Variants in OPHN1 observed in about 807,000 individuals in gnomAD.
OPHN1 encodes the protein oligophrenin 1, also known as oligophrenin-1.
Under a neutral mutation model 60.7 loss-of-function variants are expected in OPHN1, and 11 were observed. That is an observed-to-expected ratio of 0.18 (90% confidence interval 0.11 to 0.30). The LOEUF (loss-of-function observed/expected upper bound fraction) is 0.30. OPHN1 is among the 10% of genes least tolerant of loss of function. The pLI is 1.00. For missense variants in OPHN1, 449 were observed against 611.0 expected (o/e 0.73, Z 2.80); for synonymous variants, 226 against 222.6 (o/e 1.02, Z -0.14).
chrX:68,394,641 G>GT (rs1232355321), intron 2 of OPHN1, among the ~76,000 whole-genome samples: 1 of 111,123 alleles, frequency 9.0e-6, no homozygotes, highest in African/African-American at 3.3e-5. Flanking sequence ...TACATGTTAA[G>GT]TTTTTTTTGT....
chrX:68,239,118 A>C (rs1438807319), intron 5 of OPHN1, among the ~76,000 whole-genome samples: 1 of 110,718 alleles, frequency 9.0e-6, no homozygotes, highest in Non-Finnish European at 1.9e-5. Context: ...TTTCCCCAGG[A>C]GTCAGGCCGC....
intron 18 of OPHN1, among the ~76,000 whole-genome samples, chrX:68,100,502 A>G (rs1715058147): frequency 9.0e-6 from 1 of 110,960 alleles, no homozygotes; most frequent in African/African-American, 3.3e-5. Context: ...GGAGGAGGGG[A>G]AATGGGTGGG....
At chrX:68,127,386 T>C (rs924535611) in intron 15 of OPHN1, among the ~76,000 whole-genome samples, 1 of 112,070 alleles carries the variant, frequency 8.9e-6, no homozygotes, top group African/African-American at 3.2e-5. Flanking sequence ...TCTTATTTTT[T>C]TCTTTTTTTT....
chrX:68,258,226 T>G (rs2077873980), intron 5 of OPHN1, among the ~76,000 whole-genome samples: 1 of 110,930 alleles, frequency 9.0e-6, no homozygotes, highest in Non-Finnish European at 1.9e-5. Context: ...CTCTTCAGGC[T>G]AAATGTGGCC....
At chrX:68,269,845 A>C (rs1366547994) in intron 5 of OPHN1, among the ~76,000 whole-genome samples, 4 of 112,195 alleles carry the variant, frequency 3.6e-5, no homozygotes, top group Non-Finnish European at 7.5e-5. Context: ...CTCATCTGAC[A>C]AAGGGCTAAT....
intron 3 of OPHN1, among the ~76,000 whole-genome samples, chrX:68,295,285 G>T (rs962544794): frequency 3.6e-5 from 4 of 111,995 alleles, no homozygotes; most frequent in Non-Finnish European, 3.8e-5. Flanking sequence ...AACCAACACT[G>T]TTTTCCACAA....
At chrX:68,176,370 A>G in intron 15 of OPHN1, among the ~76,000 whole-genome samples, 1 of 111,896 alleles carries the variant, frequency 8.9e-6, no homozygotes, top group Non-Finnish European at 1.9e-5. Flanking sequence ...TAAAATGAGC[A>G]AAGAATTTGA....
chrX:68,271,479 A>G (rs2077968705), intron 5 of OPHN1, among the ~76,000 whole-genome samples: 1 of 110,639 alleles, frequency 9.0e-6, no homozygotes, highest in Admixed American at 9.6e-5. Flanking sequence ...TTGAGGCTGA[A>G]GTGAGCCATG....
chrX:68,170,765 C>T (rs1157180856), intron 15 of OPHN1, among the ~76,000 whole-genome samples: 2 of 78,984 alleles, frequency 2.5e-5, no homozygotes, highest in African/African-American at 1.0e-4. Context: ...GGGAACATCA[C>T]ACTCTGGGGA....
intron 2 of OPHN1, among the ~76,000 whole-genome samples, chrX:68,337,146 TG>T (rs2078327896): frequency 9.0e-6 from 1 of 111,199 alleles, no homozygotes; most frequent in Admixed American, 9.7e-5. Context: ...CACCCAAAAA[TG>T]TTACTATAAC....
intron 15 of OPHN1, among the ~76,000 whole-genome samples, chrX:68,138,784 T>C (rs1261485153): frequency 1.8e-5 from 2 of 112,194 alleles, no homozygotes; most frequent in Non-Finnish European, 3.8e-5. Flanking sequence ...AGAAATGCAG[T>C]GAGTTTGATA....
chrX:68,377,215 G>C (rs909007470), intron 2 of OPHN1, among the ~76,000 whole-genome samples: 83 of 106,245 alleles, frequency 7.8e-4, no homozygotes, highest in African/African-American at 2.7e-3. Context: ...TCCTGCCTCA[G>C]CCTCCCGAGT....
Position 68,317,394 on chromosome X carries a change from A to AGGAG in OPHN1, c.155-18299_155-18298insCTCC, listed in dbSNP as rs1454589233. 9.6e-3 allele frequency among the ~76,000 whole-genome samples: 875 copies of AGGAG among 91,149 alleles called. 23 individuals carry two copies. The highest frequency in any genetic ancestry group is 0.036 in the African/African-American group (837 of 23,405). The allele number at this position is 91,149 out of a possible 115,157, so 79.2% of individuals were successfully genotyped here. The stretch of plus-strand genomic sequence containing the variant: ...AAGAAAGAAAGGAAGGAAGGAAGGA[A>AGGAG]GGAAGGAAGGAAGGAAGGAAGGAAG... On this transcript the variant is annotated intron_variant, in intron 2 of 24. Transcript: ENST00000355520.
intron 15 of OPHN1, among the ~76,000 whole-genome samples, chrX:68,140,356 A>G (rs1484082473): frequency 8.9e-6 from 1 of 112,236 alleles, no homozygotes; most frequent in Non-Finnish European, 1.9e-5. Context: ...ATTTTAGAAG[A>G]GTCTATAATC....
chrX:68,365,355 C>T (rs1229530604), intron 2 of OPHN1, among the ~76,000 whole-genome samples: 3 of 110,600 alleles, frequency 2.7e-5, no homozygotes, highest in East Asian at 5.7e-4. Flanking sequence ...AAAGAGCCTA[C>T]GTAGCATATT....
At chrX:68,126,926 C>T (rs1054660330) in intron 15 of OPHN1, among the ~76,000 whole-genome samples, 2 of 112,013 alleles carry the variant, frequency 1.8e-5, no homozygotes, top group African/African-American at 6.5e-5. Flanking sequence ...GAATTTTAAA[C>T]TTTTTTACTC....
At chrX:68,301,409 G>A (rs1458607900) in intron 2 of OPHN1, among the ~76,000 whole-genome samples, 3 of 87,455 alleles carry the variant, frequency 3.4e-5, no homozygotes, top group African/African-American at 1.4e-4. Context: ...TCATGCCACT[G>A]AACTCCAGCC....
chrX:68,154,322 G>A (rs1033960871), intron 15 of OPHN1, among the ~76,000 whole-genome samples: 3 of 112,439 alleles, frequency 2.7e-5, no homozygotes, highest in African/African-American at 9.7e-5. Context: ...CAAGTATCTA[G>A]ATTCCAGAGC....
At chrX:68,286,957 G>A (rs1045483050) in intron 3 of OPHN1, among the ~76,000 whole-genome samples, 1 of 107,907 alleles carries the variant, frequency 9.3e-6, no homozygotes, top group African/African-American at 3.4e-5. Flanking sequence ...AGAGGCTTCA[G>A]TAAGCCAAGA....
Sources: gnomAD v4.1 joint callset for allele counts (sites outside exome capture counted in the v4.1 genomes callset) on GRCh38, gnomAD v4.1.1 for gene constraint, MANE v1.5 for transcripts, NCBI Gene and HGNC (gene_info 2026-07-23, HGNC 2026-07-21) for gene names.